LNPEP: variants seen among roughly 807,000 people sequenced by gnomAD.
LNPEP encodes the protein leucyl-cystinyl aminopeptidase.
Under a neutral mutation model 120.6 loss-of-function variants are expected in LNPEP, and 64 were observed. That is an observed-to-expected ratio of 0.53 (90% CI 0.43 to 0.65). LNPEP has a LOEUF of 0.65. Ranked by LOEUF, LNPEP falls within the 30% of genes least tolerant of loss-of-function variation. The pLI is 0.00. For synonymous variants in LNPEP, 435 were observed against 425.4 expected (o/e 1.02, Z -0.28); for missense variants, 1,057 against 1,200.0 (o/e 0.88, Z 1.76).
intron 1 of LNPEP, chr5:96,958,465 T>C (rs771372932): frequency 1.0e-6 from 1 of 984,734 alleles, no homozygotes; most frequent in Non-Finnish European, 1.2e-6. Context: ...CTAACTCCAC[T>C]AAGTACAGAA....
At chr5:97,011,629 T>C (rs2112654996) in intron 11 of LNPEP, among the ~76,000 whole-genome samples, 1 of 152,332 alleles carries the variant, frequency 6.6e-6, no homozygotes, top group Non-Finnish European at 1.5e-5. Flanking sequence ...TTAATTTCCT[T>C]AGTCATAGGT....
chr5:96,989,336 ATAATATATAATATATTATAT>A (rs1790325503), intron 4 of LNPEP, among the ~76,000 whole-genome samples: 1 of 23,864 alleles, frequency 4.2e-5, no homozygotes, highest in Admixed American at 7.2e-4. Context: ...ATAATTATAT[ATAATATATAATATATTATAT>A]ATTATATATA....
intron 8 of LNPEP, among the ~76,000 whole-genome samples, chr5:96,999,169 ATTAAAGT>A (rs1247020078): frequency 1.3e-5 from 2 of 152,214 alleles, no homozygotes; most frequent in African/African-American, 2.4e-5. Flanking sequence ...GAATGACTTG[ATTAAAGT>A]TACTATTTAG....
chr5:97,000,818 C>T (rs1790631918), intron 8 of LNPEP, among the ~76,000 whole-genome samples: 1 of 152,106 alleles, frequency 6.6e-6, no homozygotes, highest in Admixed American at 6.6e-5. Flanking sequence ...TTCTGTGAAT[C>T]CTTCTAGTGC....
At chr5:96,963,390 G>C (rs932268051) in intron 1 of LNPEP, among the ~76,000 whole-genome samples, 4 of 152,146 alleles carry the variant, frequency 2.6e-5, no homozygotes, top group African/African-American at 7.2e-5. Context: ...TGCTGATCTT[G>C]CATGAGGTCA....
chr5:96,955,064 G>A (rs1159798518), intron 1 of LNPEP, among the ~76,000 whole-genome samples: 1 of 150,524 alleles, frequency 6.6e-6, no homozygotes, highest in Non-Finnish European at 1.5e-5. Flanking sequence ...TTACAGGCGT[G>A]AGCCACCGCG....
chr5:97,024,640 T>C lies in LNPEP; in HGVS notation c.2681T>C (p.Leu894Pro). Residue 894 changes from leucine (L) to proline (P), a missense_variant, in exon 15 of 18, where the codon CTA becomes CCA. Physicochemically the swap from Leu to Pro is moderately conservative, Grantham distance 98 (BLOSUM62 -3). Transcript: ENST00000231368. ...IGSEAEKNKI[L>P]EALASSEDVR... ...TCTGAAGCAGAGAAGAACAAAATAC[T>C]AGAAGCACTTGCCAGCTCAGAGGAT... 1 of 1,614,062 alleles carries C rather than the reference T, an allele frequency of 6.2e-7. No homozygotes were observed. The highest frequency in any genetic ancestry group is 8.5e-7 in the Non-Finnish European group (1 of 1,179,932).
chr5:96,999,236 C>T (rs865954651), intron 8 of LNPEP, among the ~76,000 whole-genome samples: 1 of 151,938 alleles, frequency 6.6e-6, no homozygotes, highest in Admixed American at 6.6e-5. Flanking sequence ...TGGGGAGAAA[C>T]GTAAAGTCAG....
chr5:96,937,671 C>G (rs1046527644), intron 1 of LNPEP: 3 of 152,158 alleles, frequency 2.0e-5, no homozygotes, highest in Admixed American at 6.5e-5. Context: ...AAAAAAAAAT[C>G]TCTGTGATGA....
chr5:96,974,008 T>C lies in LNPEP; in HGVS notation c.20-5130T>C, dbSNP rs550161269. 5.3e-5 allele frequency among the ~76,000 whole-genome samples: 8 copies of C among 152,292 alleles called. No homozygotes were observed. The East Asian group carries it at 1.5e-3, about 29-fold the overall frequency. On this transcript the variant is annotated intron_variant, in intron 1 of 17. Transcript: ENST00000231368. ...CCCTGTCTCTGTCTCCTACCTCTGC[T>C]TTCTCTACCTTTTATAAACATTTTG... is the stretch of plus-strand genomic sequence containing the variant.
rs1299333694 is a variant in LNPEP, at chr5:97,031,204, G to A, written c.*2671G>A. On this transcript the variant is annotated 3_prime_UTR_variant, in exon 18 of 18. Coordinates refer to ENST00000231368, the MANE Select transcript of LNPEP (RefSeq NM_005575.3). Reference sequence around the variant, plus strand: ...ATTAAAAAAGAATTGGAAATCTTGAGTTGTGGAAGAAATGTTTATGCTTTG... The same window carrying A: ...ATTAAAAAAGAATTGGAAATCTTGAATTGTGGAAGAAATGTTTATGCTTTG... 4 of 151,312 alleles carry A rather than the reference G, an allele frequency of 2.6e-5. No individual in the cohort carries two copies. Among genetic ancestry groups the A allele is most frequent in the South Asian group, 2.1e-4 (1 of 4,742 alleles). 9.4% of individuals were successfully genotyped at this position (151,312 alleles called of 1,614,324 possible). A position where few individuals can be genotyped will look rare whatever the true frequency, so the allele number is the denominator to read the frequency against.
chr5:96,979,524 T>A lies in LNPEP; in HGVS notation c.406T>A (p.Phe136Ile), dbSNP rs768030357. The A allele has an allele frequency of 1.2e-6, 2 of 1,613,972 alleles. No individual in the cohort carries two copies. Among genetic ancestry groups the A allele is most frequent in the Non-Finnish European group, 1.7e-6 (2 of 1,179,974 alleles). The part of the protein sequence containing the change: ...MVIYLLPRCT[F>I]TKEGCHKKNQ... ...GATTTACTTACTGCCCAGATGTACC[T>A]TTACCAAAGAAGGCTGCCATAAAAA... The change falls in exon 2 of 18, where the codon TTT (phenylalanine) becomes ATT (isoleucine). Residue 136 changes from phenylalanine (F) to isoleucine (I), a missense_variant. Physicochemically the swap from Phe to Ile is conservative, Grantham distance 21. Transcript: ENST00000231368.
At chr5:96,944,855 G>A (rs1389512300) in intron 1 of LNPEP, among the ~76,000 whole-genome samples, 1 of 151,970 alleles carries the variant, frequency 6.6e-6, no homozygotes, top group Non-Finnish European at 1.5e-5. Flanking sequence ...ACAGGCATGA[G>A]CCACACATGT....
chr5:96,984,857 ATTTGTTTCCTTCCC>A (rs1423572004), intron 2 of LNPEP, among the ~76,000 whole-genome samples: 1 of 152,108 alleles, frequency 6.6e-6, no homozygotes, highest in African/African-American at 2.4e-5. Flanking sequence ...TCTAGTCAGA[ATTTGTTTCCTTCCC>A]TTTGTTCCCA....
Position 96,993,114 on chromosome 5 carries a change from C to G in LNPEP, c.1231C>G (p.Gln411Glu), listed in dbSNP as rs1218365857. The G allele has an allele frequency of 1.3e-6, 2 of 1,592,508 alleles. No individual in the cohort carries two copies. Among genetic ancestry groups the G allele is most frequent in the Non-Finnish European group, 1.7e-6 (2 of 1,165,980 alleles). The change falls in exon 5 of 18, where the codon CAG (glutamine) becomes GAG (glutamate). Residue 411 changes from glutamine (Q) to glutamate (E), a missense_variant. Transcript: ENST00000231368. ...GTTTTTTCAAAACTACTTTGAAATT[C>G]AGTACCCACTTAAGAAATTGGGTAA... ...LEFFQNYFEI[Q>E]YPLKKLDLVA...
At chr5:97,001,081 A>T (rs915656068) in intron 8 of LNPEP, among the ~76,000 whole-genome samples, 6 of 152,208 alleles carry the variant, frequency 3.9e-5, no homozygotes, top group Admixed American at 3.9e-4. Flanking sequence ...AAGCAATTTG[A>T]TCAGGAAAGT....
chr5:96,991,796 TC>T (rs1790394065), intron 4 of LNPEP, among the ~76,000 whole-genome samples: 1 of 152,030 alleles, frequency 6.6e-6, no homozygotes, highest in Non-Finnish European at 1.5e-5. Flanking sequence ...AGATGTCCTT[TC>T]CCCACTTTAT....
chr5:96,940,933 A>C (rs905079906), intron 1 of LNPEP, among the ~76,000 whole-genome samples: 3 of 152,192 alleles, frequency 2.0e-5, no homozygotes, highest in African/African-American at 7.2e-5. Flanking sequence ...GATATATTCT[A>C]AAGGGGAGAA....
intron 13 of LNPEP, among the ~76,000 whole-genome samples, chr5:97,017,342 T>A (rs1791090589): frequency 6.6e-6 from 1 of 152,150 alleles, no homozygotes; most frequent in South Asian, 2.1e-4. Flanking sequence ...CTTGTTGATT[T>A]GTAAGAGTTC....
Sources: gnomAD v4.1 joint callset for allele counts (sites outside exome capture counted in the v4.1 genomes callset) on GRCh38, gnomAD v4.1.1 for gene constraint, MANE v1.5 for transcripts, NCBI Gene and HGNC (gene_info 2026-07-23, HGNC 2026-07-21) for gene names.